FCRL5: variants seen among roughly 807,000 people sequenced by gnomAD.
FCRL5 encodes the protein Fc receptor-like protein 5.
Under a neutral mutation model 92.1 loss-of-function variants are expected in FCRL5, and 79 were observed. The observed-to-expected ratio is 0.86, with a 90% CI of 0.72 to 1.03. FCRL5 has a LOEUF of 1.03. Ranked by LOEUF, FCRL5 falls within the 50% of genes least tolerant of loss-of-function variation. The pLI is 0.00. For missense variants in FCRL5, 1,160 were observed against 1,181.1 expected, an observed-to-expected ratio of 0.98 and a Z score of 0.26; for synonymous variants, 466 against 469.3, an observed-to-expected ratio of 0.99 and a Z score of 0.09.
intron 9 of FCRL5, among the ~76,000 whole-genome samples, chr1:157,525,131 G>A (rs6661695): frequency 0.72 from 109,588 of 151,836 alleles, 42,660 homozygotes; most frequent in South Asian, 0.86. Context: ...CTCTCATAGA[G>A]CCTACAATCT....
intron 1 of FCRL5, 31 bp from the exon 2 acceptor site, chr1:157,549,611 C>G: frequency 1.2e-6 from 2 of 1,605,286 alleles, no homozygotes; most frequent in Non-Finnish European, 1.7e-6. Flanking sequence ...GAGATGAGCA[C>G]AGAACCATGA....
chr1:157,541,005 C>T (rs753328070), intron 6 of FCRL5, among the ~76,000 whole-genome samples: 6 of 152,190 alleles, frequency 3.9e-5, no homozygotes, highest in African/African-American at 1.2e-4. Flanking sequence ...AGCAGTCAAA[C>T]CCAGGTATTC....
intron 16 of FCRL5, 29 bp downstream of exon 16, chr1:157,515,813 G>T: frequency 6.2e-7 from 1 of 1,613,956 alleles, no homozygotes. Context: ...CCTGGGGGTG[G>T]GGGAGGGCAT....
Position 157,524,437 on chromosome 1 carries a change from T to A in FCRL5, c.2081A>T (p.Tyr694Phe), listed in dbSNP as rs1309015010. Reference protein sequence around the residue: ...RGSSPILYWFYHEDVTLGKIS... With the variant: ...RGSSPILYWFFHEDVTLGKIS... The stretch of plus-strand genomic sequence containing the variant: ...CTTACCCAGGGTGACATCTTCATGA[T>A]AAAACCAGTACAGGATTGGGGAGGA... The change falls in exon 10 of 17, where the codon TAT becomes TTT. Residue 694 changes from tyrosine (Y) to phenylalanine (F), a missense_variant. Tyr to Phe is a conservative substitution (Grantham distance 22). Coordinates refer to ENST00000361835, the MANE Select transcript of FCRL5 (RefSeq NM_031281.3). 6.2e-7 allele frequency: 1 copy of A among 1,614,176 alleles called. No homozygotes were observed. The highest frequency in any genetic ancestry group is 2.2e-5 in the East Asian group (1 of 44,880).
intron 10 of FCRL5, chr1:157,522,461 C>T (rs1409733390): frequency 1.3e-5 from 2 of 152,170 alleles, no homozygotes; most frequent in Admixed American, 1.3e-4. Flanking sequence ...CTTCTCTAAA[C>T]CTCAGTCTCT....
chr1:157,520,866 G>A (rs891331688), intron 11 of FCRL5, 151 bp downstream of exon 11: 4 of 986,428 alleles, frequency 4.1e-6, no homozygotes, highest in Admixed American at 5.8e-5. Context: ...CACTTCAGAA[G>A]CACTTCAGGA....
At chr1:157,536,346 ACT>A (rs1650971003) in intron 7 of FCRL5, among the ~76,000 whole-genome samples, 1 of 152,056 alleles carries the variant, frequency 6.6e-6, no homozygotes, top group Admixed American at 6.5e-5. Context: ...AGTGGGGCAC[ACT>A]CTCACAGTGA....
At position 157,552,102 on chromosome 1, in the gene FCRL5, G is replaced by T. The variant is rs1651846829; in HGVS notation, c.31+230C>A. Among the ~76,000 whole-genome samples, 7 of 152,190 alleles carry T rather than the reference G, an allele frequency of 4.6e-5. No homozygotes were observed. The South Asian group carries it at 1.5e-3, about 32-fold the overall frequency. ...AATAAATGAAATTTTAATTGTTGTGGTTATTGTGGTTTCCTACTCTGTAAG... is the reference window on the plus strand; with the variant it reads ...AATAAATGAAATTTTAATTGTTGTGTTTATTGTGGTTTCCTACTCTGTAAG... On this transcript the variant is annotated intron_variant, in intron 1 of 16. Coordinates refer to ENST00000361835, the MANE Select transcript of FCRL5 (RefSeq NM_031281.3).
At chr1:157,545,923 T>G (rs1377287924) in intron 3 of FCRL5, among the ~76,000 whole-genome samples, 1 of 152,228 alleles carries the variant, frequency 6.6e-6, no homozygotes, top group Non-Finnish European at 1.5e-5. Flanking sequence ...GACGGATTGT[T>G]AAGTCAAAGA....
rs2101592040 is a variant in FCRL5, at chr1:157,518,501, A to G, written c.2744-4T>C. 2.5e-6 allele frequency: 4 copies of G among 1,613,714 alleles called. No homozygotes were observed. The East Asian group carries it at 6.7e-5, about 27-fold the overall frequency. On this transcript the variant is annotated splice_region_variant and splice_polypyrimidine_tract_variant and intron_variant, in intron 14 of 16. Coordinates refer to ENST00000361835, the MANE Select transcript of FCRL5 (RefSeq NM_031281.3). ...ACATTTTCTCCTCTAGGATTTGCTT[A>G]GAAAAAAGTTGAAGTTTCAGAGGAT... is the stretch of plus-strand genomic sequence containing the variant.
At chr1:157,551,155 C>A (rs1297662124) in intron 1 of FCRL5, among the ~76,000 whole-genome samples, 1 of 152,178 alleles carries the variant, frequency 6.6e-6, no homozygotes, top group Admixed American at 6.5e-5. Context: ...GTGAGGTAAG[C>A]ACTAGGATTA....
chr1:157,527,666 G>T lies in FCRL5; in HGVS notation c.1911C>A (p.Asn637Lys). Residue 637 changes from asparagine (N) to lysine (K), a missense_variant, in exon 9 of 17, where the codon AAC becomes AAA. Asn to Lys is a moderately conservative substitution (Grantham distance 94). Coordinates refer to ENST00000361835, the MANE Select transcript of FCRL5 (RefSeq NM_031281.3). ...EHSGNYSCEA[N>K]NGLVAQHSDT... Reference sequence around the variant, plus strand: ...CACTGTGCTGGGCCACTAGGCCATTGTTGGCCTCACATGAGTAGTTTCCAG... The same window carrying T: ...CACTGTGCTGGGCCACTAGGCCATTTTTGGCCTCACATGAGTAGTTTCCAG... The T allele has an allele frequency of 6.2e-7, 1 of 1,614,026 alleles. No homozygotes were observed. The highest frequency in any genetic ancestry group is 2.2e-5 in the East Asian group (1 of 44,880).
At chr1:157,531,276 C>A (rs186443182) in intron 8 of FCRL5, among the ~76,000 whole-genome samples, 113 of 152,252 alleles carry the variant, frequency 7.4e-4, no homozygotes, top group African/African-American at 2.6e-3. Flanking sequence ...TGAAGTATAA[C>A]CTCACTCCAG....
intron 2 of FCRL5, 133 bp from the exon 3 acceptor site, chr1:157,547,330 C>T (rs768638099): frequency 5.0e-6 from 6 of 1,194,450 alleles, no homozygotes; most frequent in Non-Finnish European, 6.1e-6. Flanking sequence ...TCACTGATAG[C>T]TCAAAGCTCC....
chr1:157,521,524 T>C (rs1439165517), intron 10 of FCRL5: 5 of 457,248 alleles, frequency 1.1e-5, no homozygotes. Context: ...AGACAATAAA[T>C]ATATACAGAG....
intron 15 of FCRL5, among the ~76,000 whole-genome samples, chr1:157,516,862 G>A (rs1254457485): frequency 6.6e-6 from 1 of 152,140 alleles, no homozygotes; most frequent in Non-Finnish European, 1.5e-5. Context: ...AGTCATTTAA[G>A]GTGTCTATGC....
In FCRL5 at chr1:157,513,715, G is replaced by T. The variant is rs1055193516; in HGVS notation, c.*1960C>A. 1 of 151,240 alleles carries T rather than the reference G, an allele frequency of 6.6e-6. No individual in the cohort carries two copies. Among genetic ancestry groups the T allele is most frequent in the Non-Finnish European group, 1.5e-5 (1 of 68,046 alleles). 9.4% of individuals were successfully genotyped at this position (151,240 alleles called of 1,614,324 possible). A position where few individuals can be genotyped will look rare whatever the true frequency, so the allele number is the denominator to read the frequency against. On this transcript the variant is annotated 3_prime_UTR_variant, in exon 17 of 17. Transcript: ENST00000361835. ...GTGCAGTTATCATTCTGGGATGGGG[G>T]TACCTTACTCTCCCAATGAGAAATT...
chr1:157,532,164 T>C (rs1650726462), intron 8 of FCRL5: 4 of 152,014 alleles, frequency 2.6e-5, no homozygotes, highest in Admixed American at 2.6e-4. Flanking sequence ...CGTATGAGAG[T>C]TTCTGTTTCC....
In FCRL5 at chr1:157,542,995, C is replaced by T. The variant is rs1255812432; in HGVS notation, c.987G>A (p.Arg329=). The change falls in exon 6 of 17, where the codon AGG becomes AGA. Residue 329 remains arginine, a synonymous_variant. Coordinates refer to ENST00000361835, the MANE Select transcript of FCRL5 (RefSeq NM_031281.3). ...YRFYHEGVPL[R]HKSVRCERGA... Reference sequence around the variant, plus strand: ...CCCTTTCACAGCGGACTGACTTGTGCCTCAGGGGGACACCCTCATGATAAA... The same window carrying T: ...CCCTTTCACAGCGGACTGACTTGTGTCTCAGGGGGACACCCTCATGATAAA... 1.2e-6 allele frequency: 2 copies of T among 1,614,192 alleles called. No individual in the cohort carries two copies. Among genetic ancestry groups the T allele is most frequent in the Admixed American group, 1.7e-5 (1 of 60,018 alleles).
Sources: gnomAD v4.1 joint callset for allele counts (sites outside exome capture counted in the v4.1 genomes callset) on GRCh38, gnomAD v4.1.1 for gene constraint, MANE v1.5 for transcripts, NCBI Gene and HGNC (gene_info 2026-07-23, HGNC 2026-07-21) for gene names.